The following ATXN2 variants were observed in gnomAD, a reference collection of about 807,000 sequenced individuals.
The protein encoded by ATXN2 is ataxin-2.
ATXN2 carries 37 observed loss-of-function variants against 138.6 expected under a neutral mutation model. The ratio of observed to expected loss-of-function variants is 0.27; its 90% confidence interval spans 0.21 to 0.35. The LOEUF is 0.35. ATXN2 is among the 10% of genes least tolerant of loss of function. The probability of loss-of-function intolerance (pLI) is 1.00; values close to 1 mark genes in which losing one functional copy is unlikely to be tolerated. For missense variants in ATXN2, 1,216 were observed against 1,480.3 expected, an observed-to-expected ratio of 0.82 and a Z score of 2.93; for synonymous variants, 549 against 543.7, an observed-to-expected ratio of 1.01 and a Z score of -0.13.
rs1423477493 is a variant in ATXN2, at chr12:111,456,060, G to C, written c.3239C>G (p.Thr1080Ser). Residue 1080 changes from threonine to serine, a missense_variant, in exon 23 of 25, where the codon ACC (threonine) becomes AGC (serine). Physicochemically the swap from Thr to Ser is moderately conservative, Grantham distance 58 (BLOSUM62 1). Coordinates refer to ENST00000673436, the MANE Select transcript of ATXN2 (RefSeq NM_001372574.1). The part of the protein sequence containing the change: ...IHPSHVQPAY[T>S]NPPHMAHVPQ... ...TACGTGGGCCATGTGGGGTGGGTTGGTATACGCCGGCTGAACGTGAGAAGG... is the reference window on the plus strand; with the variant it reads ...TACGTGGGCCATGTGGGGTGGGTTGCTATACGCCGGCTGAACGTGAGAAGG... 2.5e-6 allele frequency: 4 copies of C among 1,614,108 alleles called. No individual in the cohort carries two copies. The Admixed American group carries it at 6.7e-5, about 27-fold the overall frequency.
intron 14 of ATXN2, 104 bp from the exon 15 acceptor site, chr12:111,488,884 T>A: frequency 2.0e-6 from 2 of 987,838 alleles, no homozygotes; most frequent in East Asian, 5.3e-5. Context: ...CATGAAATGT[T>A]CTGAATAAGG....
At chr12:111,570,055 TTAAATTTAAAGAACCATGTG>T (rs1883227259) in intron 1 of ATXN2, among the ~76,000 whole-genome samples, 1 of 152,176 alleles carries the variant, frequency 6.6e-6, no homozygotes, top group Admixed American at 6.5e-5. Flanking sequence ...CAACATAATT[TTAAATTTAAAGAACCATGTG>T]TGGAAGTAGC....
At chr12:111,471,144 C>G (rs1345562146) in intron 18 of ATXN2, 1 of 198,086 alleles carries the variant, frequency 5.0e-6, no homozygotes, top group African/African-American at 2.3e-5. Flanking sequence ...GACCAAAGAG[C>G]CAAAACAGAT....
At chr12:111,595,176 G>A (rs1343762233) in intron 1 of ATXN2, among the ~76,000 whole-genome samples, 2 of 152,132 alleles carry the variant, frequency 1.3e-5, no homozygotes, top group Admixed American at 1.3e-4. Context: ...ATAGAGCACC[G>A]CTAGCAAGAG....
chr12:111,545,390 G>C (rs935491422), intron 5 of ATXN2, among the ~76,000 whole-genome samples: 20 of 151,552 alleles, frequency 1.3e-4, no homozygotes, highest in Admixed American at 3.9e-4. Context: ...GAGGTCAGGA[G>C]TTCGAGACCA....
chr12:111,581,755 G>A (rs1884018320), intron 1 of ATXN2: 2 of 602,968 alleles, frequency 3.3e-6, no homozygotes, highest in Non-Finnish European at 6.2e-6. Context: ...TCATCCCAGT[G>A]TTGATCTTTC....
chr12:111,590,935 C>A (rs570363198), intron 1 of ATXN2, among the ~76,000 whole-genome samples: 1 of 151,988 alleles, frequency 6.6e-6, no homozygotes, highest in African/African-American at 2.4e-5. Flanking sequence ...GTCCCCCAGG[C>A]TGAAGTACAG....
intron 5 of ATXN2, among the ~76,000 whole-genome samples, chr12:111,548,624 ACACT>A (rs756643575): frequency 1.4e-4 from 21 of 152,366 alleles, no homozygotes; most frequent in East Asian, 9.6e-4. Context: ...ATTATAAAAA[ACACT>A]CTATCTATCC....
chr12:111,473,674 A>T (rs1181275249), intron 18 of ATXN2, among the ~76,000 whole-genome samples: 1 of 152,184 alleles, frequency 6.6e-6, no homozygotes, highest in East Asian at 1.9e-4. Flanking sequence ...GATAGATAAA[A>T]CATCTAGGAA....
chr12:111,457,583 T>A (rs1366862324), intron 21 of ATXN2: 1 of 421,696 alleles, frequency 2.4e-6, no homozygotes, highest in East Asian at 3.9e-5. Flanking sequence ...GCTCTACATA[T>A]GATATTAAAA....
chr12:111,464,990 C>T (rs1364499135), intron 20 of ATXN2, among the ~76,000 whole-genome samples: 1 of 152,166 alleles, frequency 6.6e-6, no homozygotes, highest in African/African-American at 2.4e-5. Flanking sequence ...ACCAACATGG[C>T]ATTCTACTGA....
intron 18 of ATXN2, chr12:111,479,141 C>T (rs1877031651): frequency 7.6e-6 from 3 of 392,352 alleles, no homozygotes; most frequent in Non-Finnish European, 1.3e-5. Context: ...TACACAAATG[C>T]TCACAGCAGC....
chr12:111,496,517 CAG>C (rs1878431442), intron 14 of ATXN2, among the ~76,000 whole-genome samples: 1 of 151,970 alleles, frequency 6.6e-6, no homozygotes, highest in South Asian at 2.1e-4. Flanking sequence ...GCATGGGTGA[CAG>C]AGCGAGACTC....
intron 6 of ATXN2, among the ~76,000 whole-genome samples, chr12:111,523,694 C>G (rs575696682): frequency 1.0e-3 from 153 of 152,024 alleles, no homozygotes; most frequent in African/African-American, 3.5e-3. Flanking sequence ...CCACTGCACT[C>G]CAGTCTGGGT....
chr12:111,513,608 C>T, intron 10 of ATXN2, 69 bp from the exon 11 acceptor site: 1 of 1,353,502 alleles, frequency 7.4e-7, no homozygotes, highest in African/African-American at 1.5e-5. Context: ...CTGCTAAATA[C>T]ACCCATTCAC....
chr12:111,513,056 T>A, intron 11 of ATXN2: 1 of 306,028 alleles, frequency 3.3e-6, no homozygotes, highest in Non-Finnish European at 6.0e-6. Context: ...TTACAATATA[T>A]CTGTATTTAT....
intron 21 of ATXN2, among the ~76,000 whole-genome samples, chr12:111,460,304 C>T (rs955385995): frequency 2.6e-5 from 4 of 152,166 alleles, no homozygotes; most frequent in African/African-American, 9.7e-5. Context: ...GAACTCCTGA[C>T]CTCAGGTGAT....
chr12:111,500,441 TG>T (rs564279828), intron 14 of ATXN2, among the ~76,000 whole-genome samples: 99 of 152,166 alleles, frequency 6.5e-4, no homozygotes, highest in African/African-American at 2.3e-3. Context: ...GATAGCAGAA[TG>T]GTTACCAGAA....
At chr12:111,466,209 A>G (rs1224672221) in intron 20 of ATXN2, among the ~76,000 whole-genome samples, 4 of 147,120 alleles carry the variant, frequency 2.7e-5, no homozygotes, top group African/African-American at 7.5e-5. Flanking sequence ...AATAAAAAAA[A>G]AAAAAGAGGC....
Sources: gnomAD v4.1 joint callset for allele counts (sites outside exome capture counted in the v4.1 genomes callset) on GRCh38, gnomAD v4.1.1 for gene constraint, MANE v1.5 for transcripts, NCBI Gene and HGNC (gene_info 2026-07-23, HGNC 2026-07-21) for gene names.